TMEM108: variants seen among roughly 807,000 people sequenced by gnomAD.
TMEM108 encodes the protein cancer/testis antigen 124.
In TMEM108, 12 loss-of-function variants were observed where a neutral mutation model predicts 35.1. The ratio of observed to expected loss-of-function variants is 0.34; its 90% CI spans 0.22 to 0.55. The LOEUF (loss-of-function observed/expected upper bound fraction) is 0.55, where lower values mean the gene tolerates loss of function less well. Among genes scored for constraint, TMEM108 ranks in the 20% least tolerant of loss-of-function variants. TMEM108 has a pLI of 0.89. For synonymous variants in TMEM108, 287 were observed against 308.6 expected, an observed-to-expected ratio of 0.93 and a Z score of 0.73; for missense variants, 680 against 753.3, an observed-to-expected ratio of 0.90 and a Z score of 1.14.
intron 2 of TMEM108, among the ~76,000 whole-genome samples, chr3:133,141,168 A>G (rs1458689019): frequency 4.6e-5 from 7 of 152,218 alleles, no homozygotes; most frequent in Admixed American, 1.3e-4. Flanking sequence ...TCTTTTGGGC[A>G]CAGATCTCTC....
At chr3:133,144,434 C>T (rs543657534) in intron 2 of TMEM108, among the ~76,000 whole-genome samples, 4 of 152,214 alleles carry the variant, frequency 2.6e-5, no homozygotes, top group South Asian at 2.1e-4. Flanking sequence ...AATAAACATA[C>T]GTGTGCATGT....
chr3:133,300,748 G>A (rs1414655357), intron 3 of TMEM108, among the ~76,000 whole-genome samples: 1 of 152,058 alleles, frequency 6.6e-6, no homozygotes, highest in East Asian at 1.9e-4. Context: ...TAGGGCTGAG[G>A]GATAGTGTCC....
At chr3:133,051,859 G>A (rs1365276177) in intron 2 of TMEM108, among the ~76,000 whole-genome samples, 1 of 152,094 alleles carries the variant, frequency 6.6e-6, no homozygotes, top group African/African-American at 2.4e-5. Context: ...TGGTCTATAG[G>A]TCTGTTATTT....
intron 2 of TMEM108, among the ~76,000 whole-genome samples, chr3:133,106,412 A>G (rs1233497474): frequency 1.3e-5 from 2 of 152,006 alleles, no homozygotes; most frequent in African/African-American, 4.8e-5. Flanking sequence ...AGCTTCACCA[A>G]CTCTAAATCA....
At chr3:133,209,561 C>T (rs1945806636) in intron 2 of TMEM108, among the ~76,000 whole-genome samples, 1 of 152,214 alleles carries the variant, frequency 6.6e-6, no homozygotes, top group South Asian at 2.1e-4. Flanking sequence ...AGTTGTGGCA[C>T]TCAGTATTTT....
intron 3 of TMEM108, chr3:133,248,630 A>G (rs1307255400): frequency 6.6e-6 from 1 of 152,216 alleles, no homozygotes; most frequent in African/African-American, 2.4e-5. Context: ...CAGTAGCAGG[A>G]TAGAGGTACT....
At chr3:133,129,373 C>T (rs910593155) in intron 2 of TMEM108, among the ~76,000 whole-genome samples, 10 of 134,134 alleles carry the variant, frequency 7.5e-5, no homozygotes, top group Admixed American at 3.1e-4. Context: ...AAAAAATAAA[C>T]GAAACACTAA....
chr3:133,109,471 G>GA (rs35389489), intron 2 of TMEM108, among the ~76,000 whole-genome samples: 6 of 148,884 alleles, frequency 4.0e-5, no homozygotes, highest in Middle Eastern at 3.4e-3. Flanking sequence ...TCCACAAAAA[G>GA]AAAAAAAAAA....
At chr3:133,200,160 TCTGTCACGG>T (rs1412637964) in intron 2 of TMEM108, among the ~76,000 whole-genome samples, 1 of 152,148 alleles carries the variant, frequency 6.6e-6, no homozygotes, top group Non-Finnish European at 1.5e-5. Context: ...CCAGGTGCCG[TCTGTCACGG>T]CTTCCCTTGG....
intron 3 of TMEM108, among the ~76,000 whole-genome samples, chr3:133,367,800 C>T (rs1459462757): frequency 1.3e-5 from 2 of 152,250 alleles, no homozygotes; most frequent in Admixed American, 6.5e-5. Context: ...CACTTGGCCA[C>T]TGTCTCTGCT....
At chr3:133,378,617 C>G (rs1451516658) in intron 3 of TMEM108, 1 of 887,640 alleles carries the variant, frequency 1.1e-6, no homozygotes, top group East Asian at 1.2e-4. Context: ...AGGCTCTTCC[C>G]AACCCATGTG....
At chr3:133,206,862 G>A (rs1342977089) in intron 2 of TMEM108, among the ~76,000 whole-genome samples, 1 of 152,208 alleles carries the variant, frequency 6.6e-6, no homozygotes, top group African/African-American at 2.4e-5. Flanking sequence ...CTTCAGAGCT[G>A]GCATGTAGGA....
intron 3 of TMEM108, among the ~76,000 whole-genome samples, chr3:133,271,038 G>A (rs1323770397): frequency 6.6e-6 from 1 of 152,062 alleles, no homozygotes; most frequent in Non-Finnish European, 1.5e-5. Flanking sequence ...TTTGGTTTTT[G>A]CTACTCCTAG....
chr3:133,386,390 C>T, intron 4 of TMEM108: 3 of 1,536,050 alleles, frequency 2.0e-6, no homozygotes, highest in Non-Finnish European at 2.6e-6. Context: ...CTCAGGGGAC[C>T]TGCAGGGTTT....
chr3:133,240,769 T>C (rs1191835632), intron 3 of TMEM108, among the ~76,000 whole-genome samples: 1 of 152,230 alleles, frequency 6.6e-6, no homozygotes, highest in Non-Finnish European at 1.5e-5. Context: ...GTATATTGTC[T>C]ACCTTAGGGA....
chr3:133,395,649 A>C (rs1006950595), intron 5 of TMEM108, among the ~76,000 whole-genome samples: 2 of 152,108 alleles, frequency 1.3e-5, no homozygotes, highest in Non-Finnish European at 2.9e-5. Context: ...AAAGAACAGC[A>C]CAAAAATTAA....
chr3:133,088,339 A>G (rs976340919), intron 2 of TMEM108, among the ~76,000 whole-genome samples: 3 of 152,288 alleles, frequency 2.0e-5, no homozygotes, highest in African/African-American at 7.2e-5. Context: ...AGGGGAGAGA[A>G]GAGGGCTTTG....
chr3:133,158,110 A>G (rs1031230442), intron 2 of TMEM108, among the ~76,000 whole-genome samples: 8 of 152,046 alleles, frequency 5.3e-5, no homozygotes, highest in African/African-American at 1.9e-4. Flanking sequence ...GACAACAACA[A>G]ACAAAAAAAC....
chr3:133,108,212 CAG>C (rs1235795023), intron 2 of TMEM108, among the ~76,000 whole-genome samples: 3 of 152,144 alleles, frequency 2.0e-5, no homozygotes, highest in Non-Finnish European at 4.4e-5. Context: ...GCCTGAGCGA[CAG>C]AGTGACACTT....
Sources: allele counts gnomAD v4.1 joint callset (sites outside exome capture counted in the v4.1 genomes callset), GRCh38; gene constraint gnomAD v4.1.1; transcripts MANE v1.5; gene names NCBI Gene and HGNC (gene_info 2026-07-23, HGNC 2026-07-21).